The following NALCN variants were observed in gnomAD, a reference collection of about 807,000 sequenced individuals.
The protein encoded by NALCN is sodium leak channel NALCN.
Under a neutral mutation model 225.3 loss-of-function variants are expected in NALCN, and 111 were observed. That is an observed-to-expected ratio of 0.49 (90% CI 0.42 to 0.58). The LOEUF (loss-of-function observed/expected upper bound fraction) is 0.58. Among genes scored for constraint, NALCN ranks in the 20% least tolerant of loss-of-function variants. The pLI is 0.00. For synonymous variants in NALCN, 764 were observed against 769.0 expected, an observed-to-expected ratio of 0.99 and a Z score of 0.11; for missense variants, 1,378 against 2,202.4, an observed-to-expected ratio of 0.63 and a Z score of 7.49.
chr13:101,300,539 C>T (rs1252950590), intron 7 of NALCN, among the ~76,000 whole-genome samples: 1 of 151,948 alleles, frequency 6.6e-6, no homozygotes, highest in African/African-American at 2.4e-5. Flanking sequence ...CAGCCTTCAC[C>T]TCCTGGGTTC....
chr13:101,180,386 T>TA (rs2039154429), intron 14 of NALCN: 2 of 138,214 alleles, frequency 1.4e-5, no homozygotes, highest in Admixed American at 1.4e-4. Flanking sequence ...TTTTTTTTTT[T>TA]TTATTTTTTG....
intron 14 of NALCN, among the ~76,000 whole-genome samples, chr13:101,177,409 G>GTATATATATATATATATCTATA: frequency 8.0e-6 from 1 of 124,328 alleles, no homozygotes; most frequent in Non-Finnish European, 1.8e-5. Flanking sequence ...GTAAATACGA[G>GTATATATATATATATATCTATA]TATATATATA....
chr13:101,186,272 ATTTG>A (rs1300255453), intron 14 of NALCN, among the ~76,000 whole-genome samples: 1 of 152,100 alleles, frequency 6.6e-6, no homozygotes, highest in Admixed American at 6.6e-5. Flanking sequence ...CACTGGTTTT[ATTTG>A]TTTGTTGGTT....
intron 6 of NALCN, among the ~76,000 whole-genome samples, chr13:101,349,108 C>G (rs1229516711): frequency 6.6e-6 from 1 of 152,110 alleles, no homozygotes; most frequent in Non-Finnish European, 1.5e-5. Flanking sequence ...ATGATTCTTT[C>G]AGTGGTAATA....
chr13:101,282,916 T>C (rs1267095305), intron 10 of NALCN, among the ~76,000 whole-genome samples: 1 of 152,154 alleles, frequency 6.6e-6, no homozygotes, highest in Non-Finnish European at 1.5e-5. Flanking sequence ...GTACCCATCC[T>C]TGAGTTGCAT....
At chr13:101,203,454 T>A (rs2040203337) in intron 13 of NALCN, among the ~76,000 whole-genome samples, 1 of 152,150 alleles carries the variant, frequency 6.6e-6, no homozygotes, top group Non-Finnish European at 1.5e-5. Flanking sequence ...TGACCTCAGG[T>A]GATCCACCCA....
chr13:101,251,464 A>G (rs2042060528), intron 11 of NALCN, among the ~76,000 whole-genome samples: 1 of 152,120 alleles, frequency 6.6e-6, no homozygotes, highest in Admixed American at 6.6e-5. Context: ...TTTATTTCTG[A>G]TTGAAAAACC....
At chr13:101,397,109 T>TATATATATACAC (rs1169730118) in intron 2 of NALCN, among the ~76,000 whole-genome samples, 9 of 80,958 alleles carry the variant, frequency 1.1e-4, no homozygotes, top group African/African-American at 2.7e-4. Context: ...TATATATATA[T>TATATATATACAC]ACATACACAT....
chr13:101,218,378 A>T (rs2040818264), intron 13 of NALCN, among the ~76,000 whole-genome samples: 1 of 152,142 alleles, frequency 6.6e-6, no homozygotes, highest in African/African-American at 2.4e-5. Context: ...TTAAGGTGTT[A>T]GCAGGGCTGT....
intron 18 of NALCN, among the ~76,000 whole-genome samples, chr13:101,114,359 A>G (rs959911720): frequency 1.3e-5 from 2 of 151,958 alleles, no homozygotes; most frequent in South Asian, 2.1e-4. Flanking sequence ...TTTAGTTGCT[A>G]TTATTTCCTG....
chr13:101,229,396 C>G lies in NALCN; in HGVS notation c.1623G>C (p.Pro541=). ...ACTGCATTTTTAAAACTCTTACCCT[C>G]GGAAACGTAGTAAATCTGTCCAGTT... ...VEELDRFTTF[P]RAFMSMFQIL... The change falls in exon 13 of 44, where the codon CCG becomes CCC. Residue 541 remains proline (P), a synonymous_variant. Coordinates refer to ENST00000251127, the MANE Select transcript of NALCN (RefSeq NM_052867.4). 1 of 1,547,246 alleles carries G rather than the reference C, an allele frequency of 6.5e-7. No individual in the cohort carries two copies. The highest frequency in any genetic ancestry group is 8.7e-7 in the Non-Finnish European group (1 of 1,147,802).
chr13:101,353,450 T>C (rs1370787681), intron 6 of NALCN, among the ~76,000 whole-genome samples: 2 of 152,212 alleles, frequency 1.3e-5, no homozygotes, highest in Non-Finnish European at 2.9e-5. Flanking sequence ...CTCCTATGAA[T>C]TGGTCTAGCT....
intron 16 of NALCN, among the ~76,000 whole-genome samples, chr13:101,144,337 G>A (rs115889709): frequency 4.3e-4 from 65 of 152,254 alleles, no homozygotes; most frequent in African/African-American, 1.5e-3. Flanking sequence ...TACACAAACT[G>A]GGCCAGCTGT....
intron 11 of NALCN, among the ~76,000 whole-genome samples, chr13:101,238,351 G>A (rs553965905): frequency 5.3e-4 from 81 of 151,844 alleles, no homozygotes; most frequent in African/African-American, 8.7e-4. Flanking sequence ...AAATTTAAAA[G>A]TTAAAATATC....
chr13:101,386,767 G>A (rs1326826952), intron 3 of NALCN, among the ~76,000 whole-genome samples: 2 of 152,126 alleles, frequency 1.3e-5, no homozygotes, highest in Admixed American at 6.5e-5. Context: ...CTACTTTAAC[G>A]ATTAGGTATG....
At chr13:101,197,339 C>G (rs958578785) in intron 13 of NALCN, among the ~76,000 whole-genome samples, 2 of 140,462 alleles carry the variant, frequency 1.4e-5, no homozygotes, top group African/African-American at 6.6e-5. Context: ...TCTTTCTCTT[C>G]TTTTCTTTCC....
At chr13:101,183,130 T>C (rs556269554) in intron 14 of NALCN, among the ~76,000 whole-genome samples, 5 of 152,326 alleles carry the variant, frequency 3.3e-5, no homozygotes, top group Admixed American at 6.5e-5. Flanking sequence ...ATTCTGTTTT[T>C]ACAGAAAGCT....
chr13:101,387,384 A>C (rs2047027461), intron 3 of NALCN, among the ~76,000 whole-genome samples: 2 of 152,342 alleles, frequency 1.3e-5, no homozygotes, highest in South Asian at 2.1e-4. Context: ...GAAATATTTT[A>C]GATGGAAATC....
At chr13:101,123,994 A>G (rs2036109050) in intron 18 of NALCN, among the ~76,000 whole-genome samples, 1 of 152,228 alleles carries the variant, frequency 6.6e-6, no homozygotes, top group African/African-American at 2.4e-5. Flanking sequence ...TCTATGTAAT[A>G]TATGTACCAA....
Sources: allele counts gnomAD v4.1 joint callset (sites outside exome capture counted in the v4.1 genomes callset), GRCh38; gene constraint gnomAD v4.1.1; transcripts MANE v1.5; gene names NCBI Gene and HGNC (gene_info 2026-07-23, HGNC 2026-07-21).